Variants in PCDHA6 observed in about 807,000 individuals in gnomAD.
The protein encoded by PCDHA6 is protocadherin alpha 6.
A neutral mutation model predicts 60.3 loss-of-function variants in PCDHA6; 55 were observed. The ratio of observed to expected loss-of-function variants is 0.91; its 90% CI spans 0.73 to 1.14. The LOEUF is 1.14. PCDHA6 is among the 50% of genes most tolerant of loss of function. The pLI is 0.00. For synonymous variants in PCDHA6, 652 were observed against 557.9 expected (o/e 1.17, Z -2.38); for missense variants, 1,327 against 1,256.5 (o/e 1.06, Z -0.85).
In PCDHA6 at chr5:140,972,962, A is replaced by G. The variant is rs550755148; in HGVS notation, c.2395-5987A>G. Among the ~76,000 whole-genome samples the G allele has an allele frequency of 1.5e-3, 231 of 152,144 alleles. 1 individual carries two copies. The highest frequency in any genetic ancestry group is 2.9e-3 in the Non-Finnish European group (194 of 67,976). ...CAGATGTGAGCCACCATGCCCGGCA[A>G]AGGAAACCAAATCTTAAGGTAGATT... On this transcript the variant is annotated intron_variant, in intron 1 of 3. Transcript: ENST00000529310.
In PCDHA6 at chr5:141,010,203, C is replaced by T; in HGVS notation, c.*266C>T. ...AGACCCAAGTTTCCTTTCTCCTCCG[C>T]CGCAAAGGAGAGGCTTCCCAGCCCC... On this transcript the variant is annotated 3_prime_UTR_variant, in exon 4 of 4. Coordinates refer to ENST00000529310, the MANE Select transcript of PCDHA6 (RefSeq NM_018909.4). The T allele has an allele frequency of 1.3e-6, 2 of 1,552,032 alleles. No homozygotes were observed. Among genetic ancestry groups the T allele is most frequent in the Non-Finnish European group, 1.7e-6 (2 of 1,147,066 alleles).
chr5:140,954,909 T>C (rs1309101151), intron 1 of PCDHA6, among the ~76,000 whole-genome samples: 3 of 152,164 alleles, frequency 2.0e-5, no homozygotes, highest in Admixed American at 6.5e-5. Flanking sequence ...TTTCATACTT[T>C]TATGAATTAC....
At chr5:140,955,720 T>C (rs921545021) in intron 1 of PCDHA6, among the ~76,000 whole-genome samples, 7 of 152,354 alleles carry the variant, frequency 4.6e-5, no homozygotes, top group East Asian at 1.9e-4. Flanking sequence ...AGGAATACCA[T>C]TGAATCTATA....
At chr5:140,966,974 C>T (rs782333304) in intron 1 of PCDHA6, 4 of 1,602,874 alleles carry the variant, frequency 2.5e-6, no homozygotes, top group Non-Finnish European at 3.4e-6. Flanking sequence ...GCTTGAGCTG[C>T]GGCGCTTGGG....
At chr5:140,983,272 G>A (rs2097037556) in intron 3 of PCDHA6, among the ~76,000 whole-genome samples, 1 of 152,176 alleles carries the variant, frequency 6.6e-6, no homozygotes, top group African/African-American at 2.4e-5. Context: ...TAATGGCTGG[G>A]TGAGTATAGG....
rs1554131658 is a variant in PCDHA6 at position 140,828,947 on chromosome 5, G to T, written c.856G>T (p.Ala286Ser). 6.2e-7 allele frequency: 1 copy of T among 1,614,120 alleles called. No individual in the cohort carries two copies. The highest frequency in any genetic ancestry group is 1.3e-5 in the African/African-American group (1 of 74,944). Residue 286 changes from alanine to serine, a missense_variant, in exon 1 of 4, where the codon GCA (alanine) becomes TCA (serine). Ala to Ser is a moderately conservative substitution (Grantham distance 99). Transcript: ENST00000529310. ...AISYSFNSLV[A>S]AMVIDHFSID... is the part of the protein sequence containing the mutation. Reference sequence around the variant, plus strand: ...TTCATATTCTTTTAATAGCCTTGTTGCAGCCATGGTTATTGACCACTTTAG... The same window carrying T: ...TTCATATTCTTTTAATAGCCTTGTTTCAGCCATGGTTATTGACCACTTTAG...
intron 1 of PCDHA6, chr5:140,877,040 T>C (rs1252847205): frequency 5.0e-6 from 8 of 1,612,450 alleles, no homozygotes; most frequent in Non-Finnish European, 5.1e-6. Context: ...CTGCAGCCGC[T>C]AGACCACGAG....
chr5:140,973,362 A>G (rs2096583702), intron 1 of PCDHA6, among the ~76,000 whole-genome samples: 1 of 152,256 alleles, frequency 6.6e-6, no homozygotes, highest in Non-Finnish European at 1.5e-5. Flanking sequence ...ATTTATAAAA[A>G]TTGCACAATG....
In PCDHA6 at chr5:140,829,191, C is replaced by T. The variant is rs2150163632; in HGVS notation, c.1100C>T (p.Thr367Ile). 2 of 1,614,228 alleles carry T rather than the reference C, an allele frequency of 1.2e-6. No homozygotes were observed. The highest frequency in any genetic ancestry group is 1.1e-5 in the South Asian group (1 of 91,090). ...LPVREDAQFG[T>I]VIALISVNDL... The stretch of plus-strand genomic sequence containing the variant: ...GTACGTGAAGACGCTCAATTTGGTA[C>T]TGTCATCGCCCTAATTAGCGTGAAC... Residue 367 changes from threonine to isoleucine, a missense_variant, in exon 1 of 4, where the codon ACT becomes ATT. Coordinates refer to ENST00000529310, the MANE Select transcript of PCDHA6 (RefSeq NM_018909.4).
chr5:140,935,242 A>G (rs1054515711), intron 1 of PCDHA6, among the ~76,000 whole-genome samples: 16 of 152,218 alleles, frequency 1.1e-4, no homozygotes, highest in African/African-American at 3.6e-4. Context: ...ATTTTTTAAA[A>G]GATAAAATAC....
intron 1 of PCDHA6, among the ~76,000 whole-genome samples, chr5:140,891,658 C>T (rs1241439148): frequency 6.6e-6 from 1 of 151,928 alleles, no homozygotes; most frequent in Non-Finnish European, 1.5e-5. Context: ...GATAGTTCAC[C>T]CACCTTAAAG....
intron 1 of PCDHA6, chr5:140,861,489 T>C (rs1263329401): frequency 2.0e-6 from 1 of 487,812 alleles, no homozygotes; most frequent in Non-Finnish European, 4.2e-6. Flanking sequence ...TTTTGTGAGT[T>C]CTCTGATAGA....
At chr5:140,882,688 AATC>A in intron 1 of PCDHA6, 1 of 1,614,196 alleles carries the variant, frequency 6.2e-7, no homozygotes, top group South Asian at 1.1e-5. Context: ...AGAAACGAAT[AATC>A]ATTGCAGAAT....
chr5:140,907,139 T>C (rs2073191409), intron 1 of PCDHA6, among the ~76,000 whole-genome samples: 1 of 152,148 alleles, frequency 6.6e-6, no homozygotes, highest in African/African-American at 2.4e-5. Context: ...GAATTCCGGC[T>C]ATGGGAGAAA....
chr5:140,901,229 T>C (rs1394148058), intron 1 of PCDHA6, among the ~76,000 whole-genome samples: 1 of 152,166 alleles, frequency 6.6e-6, no homozygotes, highest in African/African-American at 2.4e-5. Context: ...ATCCCATATA[T>C]CCATTTTTTT....
chr5:140,966,234 C>T (rs77272068), intron 1 of PCDHA6: 2,919 of 290,608 alleles, frequency 0.01, 77 homozygotes, highest in African/African-American at 0.056. Context: ...CTTAAAGACC[C>T]GTTAAGCAGG....
At chr5:140,905,622 T>G (rs962403940) in intron 1 of PCDHA6, among the ~76,000 whole-genome samples, 3 of 152,236 alleles carry the variant, frequency 2.0e-5, no homozygotes, top group Non-Finnish European at 4.4e-5. Context: ...AGATTGCTTT[T>G]GACAGTATGG....
intron 1 of PCDHA6, chr5:140,870,744 C>G: frequency 3.7e-6 from 6 of 1,613,474 alleles, no homozygotes; most frequent in Non-Finnish European, 5.1e-6. Flanking sequence ...TGAGCAGCAA[C>G]GTGACGCTGC....
intron 1 of PCDHA6, chr5:140,831,298 C>G (rs2150193348): frequency 1.3e-5 from 2 of 152,070 alleles, no homozygotes; most frequent in Non-Finnish European, 2.9e-5. Context: ...GAGTCTAAAT[C>G]TATTTCTTTG....
Sources: gnomAD v4.1 joint callset for allele counts (sites outside exome capture counted in the v4.1 genomes callset) on GRCh38, gnomAD v4.1.1 for gene constraint, MANE v1.5 for transcripts, NCBI Gene and HGNC (gene_info 2026-07-23, HGNC 2026-07-21) for gene names.